Variants in JAK1 observed in about 807,000 individuals in gnomAD.
JAK1 encodes the protein Janus kinase 1, also known as tyrosine-protein kinase JAK1.
JAK1 carries 16 observed loss-of-function variants against 136.6 expected under a neutral mutation model. The ratio of observed to expected loss-of-function variants is 0.12; its 90% confidence interval spans 0.08 to 0.18. The LOEUF (loss-of-function observed/expected upper bound fraction) is 0.18. Ranked by LOEUF, JAK1 falls within the 10% of genes least tolerant of loss-of-function variation. JAK1 has a pLI of 1.00. For missense variants in JAK1, 859 were observed against 1,450.1 expected, an observed-to-expected ratio of 0.59 and a Z score of 6.62; for synonymous variants, 492 against 519.5, an observed-to-expected ratio of 0.95 and a Z score of 0.72.
intron 2 of JAK1, 138 bp from the exon 3 acceptor site, chr1:64,883,613 C>T (rs573588036): frequency 6.4e-6 from 4 of 624,508 alleles, no homozygotes; most frequent in Non-Finnish European, 1.1e-5. Flanking sequence ...CTGCCCCTTC[C>T]CTTCCTGGAA....
intron 1 of JAK1, among the ~76,000 whole-genome samples, chr1:64,901,624 GTA>G (rs1164523336): frequency 6.6e-6 from 1 of 152,134 alleles, no homozygotes; most frequent in Non-Finnish European, 1.5e-5. Context: ...AGTTTTAAAA[GTA>G]TTCTCTTACT....
At chr1:65,044,702 G>A (rs561975925) in intron 1 of JAK1, among the ~76,000 whole-genome samples, 6 of 152,188 alleles carry the variant, frequency 3.9e-5, no homozygotes, top group Non-Finnish European at 5.9e-5. Flanking sequence ...ACAGGCCAAC[G>A]GCAAGGGGAG....
chr1:65,020,013 G>A (rs918041769), intron 2 of JAK1, among the ~76,000 whole-genome samples: 2 of 151,590 alleles, frequency 1.3e-5, no homozygotes, highest in Non-Finnish European at 2.9e-5. Flanking sequence ...ATCATCTGAG[G>A]TCAGAAGTTC....
chr1:64,969,421 A>C (rs1569783705), upstream of JAK1, among the ~76,000 whole-genome samples: 8 of 115,242 alleles, frequency 6.9e-5, no homozygotes, highest in South Asian at 6.5e-4. Context: ...GCAACTCCCC[A>C]CCCTCCTCCT....
intron 1 of JAK1, among the ~76,000 whole-genome samples, chr1:65,048,641 G>A (rs574886693): frequency 5.9e-5 from 9 of 152,236 alleles, no homozygotes; most frequent in South Asian, 2.1e-4. Flanking sequence ...ATAGTTCTTC[G>A]TATAAATCTG....
At chr1:64,972,389 G>T (rs978153840) in intron 2 of JAK1, 1 of 151,840 alleles carries the variant, frequency 6.6e-6, no homozygotes, top group Non-Finnish European at 1.5e-5. Flanking sequence ...TGTGGAAACT[G>T]AATAGAAAGT....
At chr1:64,988,603 G>GT (rs1646622086) in intron 2 of JAK1, among the ~76,000 whole-genome samples, 1 of 152,132 alleles carries the variant, frequency 6.6e-6, no homozygotes, top group Admixed American at 6.6e-5. Flanking sequence ...AAATGGGCCA[G>GT]TTGCAGTGGT....
intron 2 of JAK1, among the ~76,000 whole-genome samples, chr1:64,997,383 T>G (rs917275270): frequency 6.6e-6 from 1 of 152,212 alleles, no homozygotes; most frequent in African/African-American, 2.4e-5. Context: ...TTGAATACCT[T>G]CTATTTGCCA....
intron 9 of JAK1, 82 bp downstream of exon 9, chr1:64,860,023 C>A: frequency 8.1e-7 from 1 of 1,236,454 alleles, no homozygotes; most frequent in South Asian, 2.1e-5. Flanking sequence ...ACTGGCCTGA[C>A]CTAAACAATG....
chr1:64,937,852 G>A (rs921642825), intron 1 of JAK1, among the ~76,000 whole-genome samples: 5 of 152,066 alleles, frequency 3.3e-5, no homozygotes, highest in Non-Finnish European at 7.4e-5. Context: ...TACTCTCACT[G>A]TAAAAGTTTC....
chr1:64,872,237 C>T (rs988616926), intron 5 of JAK1, among the ~76,000 whole-genome samples: 6 of 152,186 alleles, frequency 3.9e-5, no homozygotes, highest in East Asian at 1.9e-4. Context: ...GGTAAATACC[C>T]TACAATGCAT....
At chr1:64,851,382 G>T (rs1187823768) in intron 11 of JAK1, among the ~76,000 whole-genome samples, 1 of 152,164 alleles carries the variant, frequency 6.6e-6, no homozygotes, top group Non-Finnish European at 1.5e-5. Flanking sequence ...CTTTCTAAAG[G>T]ATGAGAGCTA....
At chr1:65,004,239 C>A (rs1646786028) in intron 2 of JAK1, among the ~76,000 whole-genome samples, 1 of 152,074 alleles carries the variant, frequency 6.6e-6, no homozygotes, top group Non-Finnish European at 1.5e-5. Flanking sequence ...ACCTGCCTAG[C>A]CAATAGTACT....
chr1:65,000,299 C>T (rs1377006238), intron 2 of JAK1, among the ~76,000 whole-genome samples: 1 of 152,012 alleles, frequency 6.6e-6, no homozygotes, highest in East Asian at 1.9e-4. Context: ...CCCAGCAATA[C>T]CACTTCCAGA....
At chr1:64,878,601 A>C (rs831578) in intron 4 of JAK1, among the ~76,000 whole-genome samples, 43,549 of 132,858 alleles carry the variant, frequency 0.33, 8,044 homozygotes, top group African/African-American at 0.47. Context: ...ATATATATAT[A>C]TATATCTCAA....
At chr1:64,902,551 T>TGAGAGAGAGAGAGA (rs142393341) in intron 1 of JAK1, among the ~76,000 whole-genome samples, 12 of 102,416 alleles carry the variant, frequency 1.2e-4, no homozygotes, top group East Asian at 6.1e-4. Flanking sequence ...CATGAATTTG[T>TGAGAGAGAGAGAGA]GAGAGAGAGA....
At chr1:65,000,033 C>T (rs1646739824) in intron 2 of JAK1, among the ~76,000 whole-genome samples, 1 of 149,306 alleles carries the variant, frequency 6.7e-6, no homozygotes, top group Non-Finnish European at 1.5e-5. Context: ...ACTCTGTCAA[C>T]AGGCTGGAGT....
intron 1 of JAK1, among the ~76,000 whole-genome samples, chr1:64,941,202 G>A (rs1645884563): frequency 6.6e-6 from 1 of 152,046 alleles, no homozygotes; most frequent in Non-Finnish European, 1.5e-5. Flanking sequence ...TTGAAGTTTT[G>A]TGGTTATTAT....
chr1:64,883,209 A>C (rs562292582), intron 3 of JAK1, 68 bp downstream of exon 3: 1 of 1,322,834 alleles, frequency 7.6e-7, no homozygotes, highest in South Asian at 1.5e-5. Flanking sequence ...CAAGGGGCAG[A>C]GACCCCCAGA....
Sources: gnomAD v4.1 joint callset for allele counts (sites outside exome capture counted in the v4.1 genomes callset) on GRCh38, gnomAD v4.1.1 for gene constraint, MANE v1.5 for transcripts, NCBI Gene and HGNC (gene_info 2026-07-23, HGNC 2026-07-21) for gene names.